ANO4: variants seen among roughly 807,000 people sequenced by gnomAD.
ANO4 encodes anoctamin-4.
ANO4 carries 69 observed loss-of-function variants against 141.9 expected under a neutral mutation model. That is an observed-to-expected ratio of 0.49 (90% confidence interval 0.40 to 0.59). The LOEUF is 0.59. ANO4 is among the 20% of genes least tolerant of loss of function. The pLI is 0.00. For synonymous variants in ANO4, 350 were observed against 394.3 expected (o/e 0.89, Z 1.33); for missense variants, 894 against 1,162.2 (o/e 0.77, Z 3.36).
chr12:100,961,553 C>T (rs532750340), intron 5 of ANO4, among the ~76,000 whole-genome samples: 8 of 151,796 alleles, frequency 5.3e-5, no homozygotes, highest in South Asian at 4.2e-4. Context: ...TGGCACTAGC[C>T]GATAGAAATA....
At chr12:100,921,459 T>G (rs2041627081) in intron 2 of ANO4, among the ~76,000 whole-genome samples, 1 of 152,178 alleles carries the variant, frequency 6.6e-6, no homozygotes, top group Admixed American at 6.6e-5. Context: ...TAGCATTGGC[T>G]TTTTAGCCCT....
At chr12:100,862,599 G>T (rs1397876729) in intron 1 of ANO4, among the ~76,000 whole-genome samples, 2 of 147,038 alleles carry the variant, frequency 1.4e-5, no homozygotes, top group Non-Finnish European at 2.9e-5. Flanking sequence ...TGGGATTACA[G>T]GCGTGAGCCA....
intron 3 of ANO4, among the ~76,000 whole-genome samples, chr12:100,767,407 T>TCC (rs2033133045): frequency 6.6e-6 from 1 of 152,230 alleles, no homozygotes; most frequent in African/African-American, 2.4e-5. Flanking sequence ...TTAAAGGAAG[T>TCC]ACTTTATGGC....
chr12:101,080,882 A>ATATATATATATATT (rs1566219496), intron 15 of ANO4, among the ~76,000 whole-genome samples: 1 of 91,280 alleles, frequency 1.1e-5, no homozygotes, highest in African/African-American at 4.7e-5. Flanking sequence ...ATATATATAT[A>ATATATATATATATT]TTATATATAT....
At chr12:101,107,749 T>C (rs112278368) in intron 22 of ANO4, among the ~76,000 whole-genome samples, 2,988 of 152,142 alleles carry the variant, frequency 0.02, 113 homozygotes, top group African/African-American at 0.067. Flanking sequence ...TACTGAAACA[T>C]TTTGTGTAGG....
chr12:100,939,532 A>C, intron 4 of ANO4, 81 bp downstream of exon 4: 1 of 1,454,956 alleles, frequency 6.9e-7, no homozygotes, highest in Admixed American at 2.1e-5. Context: ...GACTGTTTAA[A>C]GTCATAATCT....
At chr12:100,775,068 G>A (rs1244286438) in intron 3 of ANO4, among the ~76,000 whole-genome samples, 1 of 152,138 alleles carries the variant, frequency 6.6e-6, no homozygotes, top group African/African-American at 2.4e-5. Flanking sequence ...ACCATTCAAA[G>A]CCTGATTACA....
intron 1 of ANO4, among the ~76,000 whole-genome samples, chr12:100,884,515 T>C (rs554928532): frequency 1.1e-4 from 17 of 152,196 alleles, no homozygotes; most frequent in African/African-American, 3.1e-4. Flanking sequence ...TGGGGACCTG[T>C]ATTAGTTTTT....
At chr12:101,028,662 GAA>G (rs1435283282) in intron 9 of ANO4, among the ~76,000 whole-genome samples, 1 of 152,162 alleles carries the variant, frequency 6.6e-6, no homozygotes, top group Non-Finnish European at 1.5e-5. Flanking sequence ...AAACCTCCAA[GAA>G]ATATGGGACT....
intron 1 of ANO4, among the ~76,000 whole-genome samples, chr12:100,730,296 A>G (rs1055613351): frequency 6.6e-6 from 1 of 150,906 alleles, no homozygotes; most frequent in Non-Finnish European, 1.5e-5. Context: ...ATTTTTTTAA[A>G]CCGTACCTCC....
intron 1 of ANO4, among the ~76,000 whole-genome samples, chr12:100,720,382 G>A (rs1268444446): frequency 6.6e-6 from 1 of 151,992 alleles, no homozygotes; most frequent in Admixed American, 6.6e-5. Flanking sequence ...TCCATTACAT[G>A]GGGAAAGAGG....
chr12:100,828,980 A>G (rs2036501709), intron 1 of ANO4, among the ~76,000 whole-genome samples: 1 of 151,922 alleles, frequency 6.6e-6, no homozygotes, highest in South Asian at 2.1e-4. Flanking sequence ...AGATTGTGCC[A>G]CTGCACTCCA....
At chr12:101,091,599 G>A (rs536361245) in intron 17 of ANO4, among the ~76,000 whole-genome samples, 3 of 152,212 alleles carry the variant, frequency 2.0e-5, no homozygotes, top group Non-Finnish European at 4.4e-5. Flanking sequence ...AGATATTATC[G>A]TGACCCAATA....
chr12:101,036,961 C>A, intron 9 of ANO4, 134 bp from the exon 10 acceptor site: 1 of 716,310 alleles, frequency 1.4e-6, no homozygotes, highest in South Asian at 3.0e-5. Flanking sequence ...AGCTTTTTTT[C>A]TAACTCTTGG....
intron 2 of ANO4, among the ~76,000 whole-genome samples, chr12:100,914,340 G>A (rs1478784587): frequency 1.3e-4 from 20 of 152,236 alleles, no homozygotes; most frequent in Non-Finnish European, 1.5e-5. Context: ...TCAGGACCCA[G>A]TAAAGAACTT....
At chr12:100,943,470 T>C (rs1443752062) in intron 5 of ANO4, among the ~76,000 whole-genome samples, 1 of 152,204 alleles carries the variant, frequency 6.6e-6, no homozygotes, top group Non-Finnish European at 1.5e-5. Context: ...ATAATATGCA[T>C]ATACTTGTTA....
intron 5 of ANO4, among the ~76,000 whole-genome samples, chr12:100,952,783 T>C (rs1592820085): frequency 1.3e-5 from 2 of 152,206 alleles, no homozygotes; most frequent in East Asian, 3.9e-4. Flanking sequence ...TTTAAAGATC[T>C]AAGGGCCTCA....
At chr12:100,951,083 C>T (rs542250349) in intron 5 of ANO4, among the ~76,000 whole-genome samples, 5 of 152,218 alleles carry the variant, frequency 3.3e-5, no homozygotes, top group Non-Finnish European at 5.9e-5. Context: ...ATATTAAAAG[C>T]TCAATATCAC....
intron 14 of ANO4, among the ~76,000 whole-genome samples, chr12:101,072,167 G>T (rs1262839555): frequency 1.3e-5 from 2 of 152,166 alleles, no homozygotes; most frequent in Non-Finnish European, 2.9e-5. Flanking sequence ...TCATATGGGT[G>T]GATGAGTTCC....
Sources: gnomAD v4.1 joint callset for allele counts (sites outside exome capture counted in the v4.1 genomes callset) on GRCh38, gnomAD v4.1.1 for gene constraint, MANE v1.5 for transcripts, NCBI Gene and HGNC (gene_info 2026-07-23, HGNC 2026-07-21) for gene names.